The following PCLO variants were observed in gnomAD, a reference collection of about 807,000 sequenced individuals.
PCLO encodes protein piccolo.
PCLO carries 82 observed loss-of-function variants against 427.5 expected under a neutral mutation model. The observed-to-expected ratio is 0.19, with a 90% CI of 0.16 to 0.23. PCLO has a LOEUF of 0.23. Among genes scored for constraint, PCLO ranks in the 10% least tolerant of loss-of-function variants. The pLI is 1.00. For missense variants in PCLO, 6,239 were observed against 6,115.9 expected, an observed-to-expected ratio of 1.02 and a Z score of -0.67; for synonymous variants, 2,357 against 2,155.4, an observed-to-expected ratio of 1.09 and a Z score of -2.59.
chr7:83,074,961 T>C (rs1359583108), intron 3 of PCLO, among the ~76,000 whole-genome samples: 1 of 152,114 alleles, frequency 6.6e-6, no homozygotes, highest in East Asian at 1.9e-4. Context: ...CCTAAAGAAA[T>C]GTAAGCAAAA....
At chr7:82,772,221 A>G (rs373371996) in intron 22 of PCLO, among the ~76,000 whole-genome samples, 3 of 152,276 alleles carry the variant, frequency 2.0e-5, no homozygotes. Flanking sequence ...AAAGTAATTT[A>G]TCAGCTCTAA....
intron 3 of PCLO, among the ~76,000 whole-genome samples, chr7:83,012,621 GAAAAAAAAAAAA>G (rs537818971): frequency 1.0e-3 from 67 of 66,742 alleles, no homozygotes; most frequent in African/African-American, 3.2e-3. Context: ...CTGTCTCAAG[GAAAAAAAAAAAA>G]AAAAAAAAAA....
chr7:82,828,094 T>G, intron 16 of PCLO, 128 bp from the exon 17 acceptor site: 1 of 632,852 alleles, frequency 1.6e-6, no homozygotes, highest in Non-Finnish European at 2.8e-6. Flanking sequence ...TATCTCATCA[T>G]CCTCATGTCT....
chr7:82,826,522 T>C (rs768615506), intron 18 of PCLO, 67 bp downstream of exon 18: 1 of 1,039,286 alleles, frequency 9.6e-7, no homozygotes, highest in Non-Finnish European at 1.5e-6. Flanking sequence ...AGAAACATGC[T>C]TTGCATCGTG....
At chr7:82,988,813 T>A (rs117686771) in intron 3 of PCLO, among the ~76,000 whole-genome samples, 6,264 of 151,710 alleles carry the variant, frequency 0.041, 205 homozygotes, top group East Asian at 0.13. Context: ...GAATTTATTT[T>A]TTTTTATTTT....
At chr7:82,961,382 C>T (rs1015983720) in intron 4 of PCLO, among the ~76,000 whole-genome samples, 2 of 152,120 alleles carry the variant, frequency 1.3e-5, no homozygotes, top group Admixed American at 6.6e-5. Flanking sequence ...AGGAATCACA[C>T]AAAGGCATAT....
At chr7:82,917,382 T>C (rs1794493206) in intron 6 of PCLO, among the ~76,000 whole-genome samples, 4 of 152,094 alleles carry the variant, frequency 2.6e-5, no homozygotes, top group African/African-American at 7.2e-5. Context: ...TCATGACTAT[T>C]TGGTTTTCTT....
chr7:82,877,979 C>A (rs1793415502), intron 10 of PCLO, among the ~76,000 whole-genome samples: 1 of 152,152 alleles, frequency 6.6e-6, no homozygotes, highest in African/African-American at 2.4e-5. Context: ...CCAAGCCCAG[C>A]CAACAATATG....
chr7:83,091,384 T>C (rs914855881), intron 3 of PCLO, among the ~76,000 whole-genome samples: 2 of 152,080 alleles, frequency 1.3e-5, no homozygotes, highest in Non-Finnish European at 2.9e-5. Context: ...TTGAAGAAAA[T>C]GTCAGTACTT....
chr7:83,065,561 A>C (rs575277333), intron 3 of PCLO, among the ~76,000 whole-genome samples: 1 of 151,678 alleles, frequency 6.6e-6, no homozygotes, highest in African/African-American at 2.4e-5. Context: ...GATTCCAAAA[A>C]GAGAACTGAA....
chr7:82,839,850 T>C (rs1231029438), intron 14 of PCLO, among the ~76,000 whole-genome samples: 1 of 152,094 alleles, frequency 6.6e-6, no homozygotes, highest in African/African-American at 2.4e-5. Flanking sequence ...GATAGATTCA[T>C]GGTTTGGTTG....
chr7:82,828,622 C>T (rs1173984504), intron 16 of PCLO, among the ~76,000 whole-genome samples: 1 of 152,182 alleles, frequency 6.6e-6, no homozygotes, highest in Admixed American at 6.5e-5. Flanking sequence ...CCTTGACTTT[C>T]CATTTCCTCT....
At chr7:83,093,492 A>ATATATTTTTTTTTTTTTTTTTTTTT in intron 3 of PCLO, among the ~76,000 whole-genome samples, 1 of 59,316 alleles carries the variant, frequency 1.7e-5, no homozygotes, top group Non-Finnish European at 3.3e-5. Context: ...ATATATATAT[A>ATATATTTTTTTTTTTTTTTTTTTTT]TTTTTTTTTT....
At chr7:82,760,020 G>A (rs1790397605) in intron 24 of PCLO, among the ~76,000 whole-genome samples, 1 of 151,936 alleles carries the variant, frequency 6.6e-6, no homozygotes. Flanking sequence ...GGAGTATTGT[G>A]ATAGATGGCG....
rs556114127 is a variant in PCLO, at chr7:83,080,199, T to C, written c.3300+54051A>G. Among the ~76,000 whole-genome samples, 6 of 152,304 alleles carry C rather than the reference T, an allele frequency of 3.9e-5. No homozygotes were observed. In the South Asian group the frequency reaches 1.2e-3, roughly 32 times the overall value. On this transcript the variant is annotated intron_variant, in intron 3 of 24. Transcript: ENST00000333891. Reference sequence around the variant, plus strand: ...ATGAACATACGCATGCATGCATCTTTGTAACAGAAGGATTTCTATTCCTTT... The same window carrying C: ...ATGAACATACGCATGCATGCATCTTCGTAACAGAAGGATTTCTATTCCTTT...
chr7:82,868,903 T>C (rs1316047975), intron 10 of PCLO, among the ~76,000 whole-genome samples: 1 of 152,212 alleles, frequency 6.6e-6, no homozygotes, highest in Non-Finnish European at 1.5e-5. Flanking sequence ...TTAACAAAGT[T>C]GAACAACTTA....
chr7:82,846,125 A>G (rs1294389248), intron 12 of PCLO, among the ~76,000 whole-genome samples: 2 of 152,288 alleles, frequency 1.3e-5, no homozygotes, highest in African/African-American at 4.8e-5. Context: ...ATGAAATTAC[A>G]TGTTGATTTT....
At position 82,826,680 on chromosome 7, in the gene PCLO, A is replaced by G. The variant is rs764340600; in HGVS notation, c.14344-20T>C. On this transcript the variant is annotated intron_variant, in intron 17 of 24. Transcript: ENST00000333891. ...CTTGAGCTATATAGTTCAAATAGAA[A>G]TCTAATTAAACCTATCTTTCCATCA... The G allele has an allele frequency of 6.8e-7, 1 of 1,469,494 alleles. No individual in the cohort carries two copies. The highest frequency in any genetic ancestry group is 1.8e-5 in the Admixed American group (1 of 55,926). The allele number at this position is 1,469,494 out of a possible 1,614,324, so 91.0% of individuals were successfully genotyped here.
intron 3 of PCLO, among the ~76,000 whole-genome samples, chr7:83,100,088 T>C (rs1049017748): frequency 1.3e-5 from 2 of 152,132 alleles, no homozygotes; most frequent in Non-Finnish European, 1.5e-5. Context: ...TCTAAACCTA[T>C]CTATCCAAAA....
Sources: gnomAD v4.1 joint callset for allele counts (sites outside exome capture counted in the v4.1 genomes callset) on GRCh38, gnomAD v4.1.1 for gene constraint, MANE v1.5 for transcripts, NCBI Gene and HGNC (gene_info 2026-07-23, HGNC 2026-07-21) for gene names.